Variants in BOLL observed in about 807,000 individuals in gnomAD.
The protein encoded by BOLL is boule RNA binding protein, also known as protein boule-like.
In BOLL, 23 loss-of-function variants were observed where a neutral mutation model predicts 44.4. The ratio of observed to expected loss-of-function variants is 0.52; its 90% CI spans 0.37 to 0.73. The LOEUF (loss-of-function observed/expected upper bound fraction) is 0.73. Among genes scored for constraint, BOLL ranks in the 30% least tolerant of loss-of-function variants. BOLL has a pLI of 0.00. For missense variants in BOLL, 287 were observed against 338.3 expected, an observed-to-expected ratio of 0.85 and a Z score of 1.19; for synonymous variants, 97 against 110.8, an observed-to-expected ratio of 0.88 and a Z score of 0.78.
chr2:197,734,446 A>T (rs1390158459), intron 10 of BOLL, among the ~76,000 whole-genome samples: 8 of 152,214 alleles, frequency 5.3e-5, no homozygotes, highest in Non-Finnish European at 1.2e-4. Flanking sequence ...CATTTGACCC[A>T]GCCATCCCAT....
In BOLL at chr2:197,767,870, A is replaced by G. The variant is rs146667171; in HGVS notation, c.481-1267T>C. Among the ~76,000 whole-genome samples, 193 of 152,130 alleles carry G rather than the reference A, an allele frequency of 1.3e-3. 1 individual carries two copies. The highest frequency in any genetic ancestry group is 2.2e-3 in the Non-Finnish European group (152 of 67,900). ...ACATGCATGCATACATGTAAAGTTT[A>G]ATGGTGAATCACTGAAATTGCTCCC... is the stretch of plus-strand genomic sequence containing the variant. On this transcript the variant is annotated intron_variant, in intron 6 of 10. Transcript: ENST00000392296.
At chr2:197,739,042 T>A (rs994717251) in intron 10 of BOLL, among the ~76,000 whole-genome samples, 1 of 152,048 alleles carries the variant, frequency 6.6e-6, no homozygotes, top group African/African-American at 2.4e-5. Context: ...ACTACAGAAG[T>A]GGTTTTGGAG....
chr2:197,743,796 C>G (rs1687868390), intron 9 of BOLL, among the ~76,000 whole-genome samples: 1 of 152,060 alleles, frequency 6.6e-6, no homozygotes, highest in South Asian at 2.1e-4. Context: ...ACAAACATTA[C>G]CAAGATGTTT....
intron 9 of BOLL, 84 bp downstream of exon 9, chr2:197,756,344 C>T (rs947105566): frequency 2.1e-5 from 27 of 1,256,170 alleles, no homozygotes; most frequent in African/African-American, 6.2e-5. Flanking sequence ...CAATGAGGGT[C>T]GTGAACAAAT....
intron 9 of BOLL, among the ~76,000 whole-genome samples, chr2:197,752,942 G>A (rs766729870): frequency 2.0e-5 from 3 of 152,078 alleles, no homozygotes; most frequent in Non-Finnish European, 2.9e-5. Flanking sequence ...CATGGTACTG[G>A]TACCAAAACA....
chr2:197,742,228 A>G (rs897214873), intron 10 of BOLL, among the ~76,000 whole-genome samples: 1 of 152,216 alleles, frequency 6.6e-6, no homozygotes, highest in African/African-American at 2.4e-5. Context: ...AGTGTAAACT[A>G]GTTCAACCAT....
upstream of BOLL, chr2:197,786,015 C>A (rs1690058188): frequency 1.9e-6 from 3 of 1,612,124 alleles, no homozygotes; most frequent in Admixed American, 1.7e-5. This position sits in a 1 kb window ranked among gnomAD's most constrained non-coding sequence, Gnocchi z 5.9. Context: ...TTCCTCTCTG[C>A]TCTTCAGAGA....
At chr2:197,749,979 T>C (rs1688161739) in intron 9 of BOLL, among the ~76,000 whole-genome samples, 1 of 151,804 alleles carries the variant, frequency 6.6e-6, no homozygotes. Flanking sequence ...CAGAAGAGAG[T>C]AGCGGCCAAT....
chr2:197,766,791 T>C (rs940386983), intron 6 of BOLL, among the ~76,000 whole-genome samples, 188 bp from the exon 7 acceptor site: 1 of 152,064 alleles, frequency 6.6e-6, no homozygotes, highest in Non-Finnish European at 1.5e-5. Flanking sequence ...ATATTTCTAC[T>C]TCTACGTGGT....
intron 10 of BOLL, among the ~76,000 whole-genome samples, chr2:197,741,876 A>AC (rs1243129512): frequency 6.6e-6 from 1 of 152,214 alleles, no homozygotes; most frequent in African/African-American, 2.4e-5. Flanking sequence ...TGAAAAGGCA[A>AC]CCTACAAAAT....
At chr2:197,780,379 T>C (rs1024635465) in intron 2 of BOLL, among the ~76,000 whole-genome samples, 2 of 152,062 alleles carry the variant, frequency 1.3e-5, no homozygotes, top group Non-Finnish European at 2.9e-5. Context: ...TATGGCTGCA[T>C]TATAACAACC....
chr2:197,729,292 C>G (rs868174464), intron 10 of BOLL, among the ~76,000 whole-genome samples: 3 of 152,338 alleles, frequency 2.0e-5, no homozygotes, highest in African/African-American at 4.8e-5. Flanking sequence ...GATTATATCT[C>G]GCACCTGGCT....
intron 7 of BOLL, among the ~76,000 whole-genome samples, chr2:197,759,737 C>T (rs1394926777): frequency 6.6e-6 from 1 of 152,180 alleles, no homozygotes; most frequent in Non-Finnish European, 1.5e-5. Flanking sequence ...GGTGAACCCA[C>T]TCTTTAGCTG....
intron 10 of BOLL, among the ~76,000 whole-genome samples, chr2:197,730,607 C>T (rs1326383012): frequency 2.5e-3 from 372 of 148,880 alleles, no homozygotes; most frequent in African/African-American, 4.1e-3. Flanking sequence ...AGACTAACAG[C>T]GGATCTCTCG....
chr2:197,743,569 T>C (rs566031827), intron 9 of BOLL, among the ~76,000 whole-genome samples: 33 of 152,252 alleles, frequency 2.2e-4, no homozygotes, highest in African/African-American at 7.5e-4. Context: ...TATACAAAAT[T>C]TGTGGTATCT....
rs796307800 is a variant in BOLL at position 197,727,168 on chromosome 2, T to G, written c.*1387A>C. 5.9e-5 allele frequency: 9 copies of G among 152,472 alleles called. No homozygotes were observed. The highest frequency in any genetic ancestry group is 1.9e-4 in the African/African-American group (8 of 41,570). 9.4% of individuals were successfully genotyped at this position (152,472 alleles called of 1,614,324 possible). A position where few individuals can be genotyped will look rare whatever the true frequency, so the allele number is the denominator to read the frequency against. ...CATTCATAAGGTTCTACTGTTCTCA[T>G]GAAGCCATTTGACTGGCAAACATAT... is the stretch of plus-strand genomic sequence containing the variant. On this transcript the variant is annotated 3_prime_UTR_variant, in exon 11 of 11. Transcript: ENST00000392296.
chr2:197,741,024 A>G (rs1341513820), intron 10 of BOLL, among the ~76,000 whole-genome samples: 1 of 152,104 alleles, frequency 6.6e-6, no homozygotes, highest in Non-Finnish European at 1.5e-5. Context: ...GAAGAAAGCC[A>G]TTGGTAGCTT....
At position 197,769,706 on chromosome 2, in the gene BOLL, A is replaced by G. The variant is rs143359915; in HGVS notation, c.480+2149T>C. Among the ~76,000 whole-genome samples, 331 of 152,312 alleles carry G rather than the reference A, an allele frequency of 2.2e-3. 1 individual carries two copies. The highest frequency in any genetic ancestry group is 7.6e-3 in the African/African-American group (314 of 41,566). ...ATCACAAGCATTCCTATACACAATA[A>G]CAGACAAACAGAGAGCCAAACCATG... On this transcript the variant is annotated intron_variant, in intron 6 of 10. Coordinates refer to ENST00000392296, the MANE Select transcript of BOLL (RefSeq NM_033030.6).
intron 7 of BOLL, among the ~76,000 whole-genome samples, chr2:197,765,308 T>C (rs894703135): frequency 1.4e-4 from 21 of 151,012 alleles, no homozygotes; most frequent in African/African-American, 5.1e-4. Flanking sequence ...CCAAATACCA[T>C]CTGTTCCCCA....
Sources: allele counts gnomAD v4.1 joint callset (sites outside exome capture counted in the v4.1 genomes callset), GRCh38; gene constraint gnomAD v4.1.1; non-coding constraint Gnocchi (gnomAD v3.1); transcripts MANE v1.5; gene names NCBI Gene and HGNC (gene_info 2026-07-23, HGNC 2026-07-21).